The following STARD13 variants were observed in gnomAD, a reference collection of about 807,000 sequenced individuals.
The protein encoded by STARD13 is stAR-related lipid transfer protein 13.
In STARD13, 62 loss-of-function variants were observed where a neutral mutation model predicts 106.4. That is an observed-to-expected ratio of 0.58 (90% CI 0.48 to 0.72). The LOEUF (loss-of-function observed/expected upper bound fraction) is 0.72. Among genes scored for constraint, STARD13 ranks in the 30% least tolerant of loss-of-function variants. STARD13 has a pLI of 0.00. For synonymous variants in STARD13, 565 were observed against 553.0 expected (o/e 1.02, Z -0.31); for missense variants, 1,387 against 1,424.0 (o/e 0.97, Z 0.42).
At chr13:33,491,025 G>A in the STARD13 span, among the ~76,000 whole-genome samples, 3 of 152,342 alleles carry the variant, frequency 2.0e-5, no homozygotes, top group South Asian at 4.1e-4. Flanking sequence ...ATCCTGTAAA[G>A]GGAGTCAGGG....
the STARD13 span, among the ~76,000 whole-genome samples, chr13:33,471,597 G>A: frequency 6.7e-6 from 1 of 150,292 alleles, no homozygotes; most frequent in African/African-American, 2.5e-5. Context: ...GATTACCAGA[G>A]TAGATACATT....
chr13:33,223,245 T>C (rs938685026), intron 1 of STARD13, among the ~76,000 whole-genome samples: 4 of 152,360 alleles, frequency 2.6e-5, no homozygotes, highest in Non-Finnish European at 5.9e-5. Context: ...AGTCCCACTT[T>C]GGTCCTTCAA....
intron 1 of STARD13, among the ~76,000 whole-genome samples, chr13:33,293,046 C>G (rs1040456973): frequency 1.9e-4 from 29 of 152,180 alleles, no homozygotes; most frequent in African/African-American, 6.8e-4. Context: ...TTGCATGGAG[C>G]CTTCCTATGG....
chr13:33,357,010 A>G, the STARD13 span, among the ~76,000 whole-genome samples: 1 of 152,238 alleles, frequency 6.6e-6, no homozygotes, highest in Non-Finnish European at 1.5e-5. Flanking sequence ...TATATGTGAG[A>G]GTGTTTTATA....
In STARD13 at chr13:33,248,840, G is replaced by A. The variant is rs934013645; in HGVS notation, c.169+36630C>T. On this transcript the variant is annotated intron_variant, in intron 1 of 13. Transcript: ENST00000336934. ...AAATTATTAGTTGTATTTATTGAAT[G>A]AGCTTGATACTCCCTGGTCTTAGAT... Among the ~76,000 whole-genome samples, 2 of 152,164 alleles carry A rather than the reference G, an allele frequency of 1.3e-5. 1 individual carries two copies. Among genetic ancestry groups the A allele is most frequent in the South Asian group, 4.1e-4 (2 of 4,828 alleles).
the STARD13 span, among the ~76,000 whole-genome samples, chr13:33,492,865 C>G: frequency 2.0e-5 from 3 of 152,046 alleles, no homozygotes; most frequent in Non-Finnish European, 2.9e-5. Context: ...CAGGAACTCT[C>G]TCTTGGGGTC....
chr13:33,257,261 C>G (rs749453659), intron 1 of STARD13, among the ~76,000 whole-genome samples: 1 of 152,072 alleles, frequency 6.6e-6, no homozygotes, highest in Non-Finnish European at 1.5e-5. Flanking sequence ...AAACACAGAG[C>G]TGGGCAGAGG....
At chr13:33,119,487 C>A (rs754489856) in intron 7 of STARD13, among the ~76,000 whole-genome samples, 1 of 152,112 alleles carries the variant, frequency 6.6e-6, no homozygotes. Context: ...CACCCAAGTT[C>A]GGGTATGTGA....
At chr13:33,589,470 A>G in the STARD13 span, among the ~76,000 whole-genome samples, 264 of 152,254 alleles carry the variant, frequency 1.7e-3, no homozygotes, top group African/African-American at 6.0e-3. Context: ...ACTGCTTTAA[A>G]TGTGTCCCAG....
intron 1 of STARD13, chr13:33,350,243 G>C (rs552271436): frequency 7.3e-6 from 11 of 1,498,636 alleles, no homozygotes; most frequent in Middle Eastern, 2.1e-4. Flanking sequence ...CTACGGGGCC[G>C]GCGCCTCCCC....
chr13:33,259,909 A>G (rs1056548774), intron 1 of STARD13, among the ~76,000 whole-genome samples: 3 of 151,042 alleles, frequency 2.0e-5, no homozygotes, highest in African/African-American at 7.3e-5. Flanking sequence ...AGGCAGGATA[A>G]TGCTCGAACT....
the STARD13 span, among the ~76,000 whole-genome samples, chr13:33,639,073 A>G: frequency 6.6e-6 from 1 of 152,182 alleles, no homozygotes; most frequent in Non-Finnish European, 1.5e-5. Flanking sequence ...TCTGCTCTCA[A>G]GTAGTTTGCA....
At chr13:33,210,350 C>T (rs13378669) in intron 1 of STARD13, among the ~76,000 whole-genome samples, 14,283 of 152,250 alleles carry the variant, frequency 0.094, 1,389 homozygotes, top group African/African-American at 0.24. Flanking sequence ...TAAGAGTGTG[C>T]TCCCTTTACA....
Position 33,165,523 on chromosome 13 carries a change from T to C in STARD13, c.242-105A>G, listed in dbSNP as rs1168647117. On this transcript the variant is annotated intron_variant, in intron 2 of 13. Coordinates refer to ENST00000336934, the MANE Select transcript of STARD13 (RefSeq NM_178006.4). Reference sequence around the variant, plus strand: ...TAAAAGCCACTGATTTTAATAGCAGTGACTGCCCATCATCATTGTTGGGAA... The same window carrying C: ...TAAAAGCCACTGATTTTAATAGCAGCGACTGCCCATCATCATTGTTGGGAA... The C allele has an allele frequency of 5.0e-6, 4 of 803,148 alleles. No individual in the cohort carries two copies. In the East Asian group the frequency reaches 7.7e-5, roughly 15 times the overall value. The allele number at this position is 803,148 out of a possible 1,614,324, so 49.8% of individuals were successfully genotyped here.
the STARD13 span, among the ~76,000 whole-genome samples, chr13:33,616,887 T>C: frequency 6.6e-6 from 1 of 152,304 alleles, no homozygotes; most frequent in Non-Finnish European, 1.5e-5. Context: ...AAAAGTTTCC[T>C]CAAGGAAATA....
At chr13:33,644,938 T>A in the STARD13 span, among the ~76,000 whole-genome samples, 1 of 152,178 alleles carries the variant, frequency 6.6e-6, no homozygotes, top group African/African-American at 2.4e-5. Flanking sequence ...TCAGAAATAG[T>A]AAGCTAAAAC....
At chr13:33,187,327 A>C (rs1594073759) in intron 1 of STARD13, among the ~76,000 whole-genome samples, 2 of 152,360 alleles carry the variant, frequency 1.3e-5, no homozygotes, top group Non-Finnish European at 2.9e-5. Context: ...TGTCACAGTC[A>C]TGATCTGAAT....
the STARD13 span, among the ~76,000 whole-genome samples, chr13:33,356,972 G>A: frequency 6.6e-6 from 1 of 152,150 alleles, no homozygotes; most frequent in Non-Finnish European, 1.5e-5. Context: ...AGAACTCTTT[G>A]TTCTACCTAC....
the STARD13 span, among the ~76,000 whole-genome samples, chr13:33,387,523 C>G: frequency 6.6e-6 from 1 of 152,140 alleles, no homozygotes; most frequent in Admixed American, 6.5e-5. Flanking sequence ...ACTGCCCAGT[C>G]TGTGTTTAAG....
Sources: gnomAD v4.1 joint callset for allele counts (sites outside exome capture counted in the v4.1 genomes callset) on GRCh38, gnomAD v4.1.1 for gene constraint, MANE v1.5 for transcripts, NCBI Gene and HGNC (gene_info 2026-07-23, HGNC 2026-07-21) for gene names.